Variants in ARID2 observed in about 807,000 individuals in gnomAD.
The protein encoded by ARID2 is AT-rich interaction domain 2, also known as AT-rich interactive domain-containing protein 2.
Under a neutral mutation model 184.6 loss-of-function variants are expected in ARID2, and 32 were observed. The observed-to-expected ratio is 0.17, with a 90% CI of 0.13 to 0.23. The LOEUF is 0.23. ARID2 is among the 10% of genes least tolerant of loss of function. The pLI is 1.00. For missense variants in ARID2, 1,696 were observed against 2,197.6 expected, an observed-to-expected ratio of 0.77 and a Z score of 4.56; for synonymous variants, 836 against 772.6, an observed-to-expected ratio of 1.08 and a Z score of -1.36.
chr12:45,759,925 A>G (rs1334232415), intron 3 of ARID2, among the ~76,000 whole-genome samples: 1 of 152,178 alleles, frequency 6.6e-6, no homozygotes, highest in African/African-American at 2.4e-5. Flanking sequence ...CTTTTCATGT[A>G]TATGATATTA....
At chr12:45,772,248 T>G (rs966464895) in intron 3 of ARID2, among the ~76,000 whole-genome samples, 3 of 152,232 alleles carry the variant, frequency 2.0e-5, no homozygotes, top group Non-Finnish European at 2.9e-5. Flanking sequence ...GGTCAAAATC[T>G]AGTTATATCA....
At chr12:45,795,457 A>G (rs1942373197) in intron 3 of ARID2, among the ~76,000 whole-genome samples, 1 of 151,068 alleles carries the variant, frequency 6.6e-6, no homozygotes, top group African/African-American at 2.4e-5. Flanking sequence ...TTTTAGACGG[A>G]GTCTCGCTCT....
chr12:45,742,822 G>A (rs757211961), intron 3 of ARID2, among the ~76,000 whole-genome samples: 1 of 152,082 alleles, frequency 6.6e-6, no homozygotes, highest in Non-Finnish European at 1.5e-5. Context: ...ACTAAAGTGG[G>A]GATTGAAGCA....
In ARID2 at chr12:45,851,571, A is replaced by G. The variant is rs757739061; in HGVS notation, c.3448A>G (p.Ile1150Val). The change falls in exon 15 of 21, where the codon ATA (isoleucine) becomes GTA (valine). Residue 1150 changes from isoleucine (I) to valine (V), a missense_variant. This residue lies in a region of ARID2 where 713 missense variants were observed against 824.4 expected (regional missense o/e 0.86). Transcript: ENST00000334344. ...VQTVPISNLQ[I>V]LPGPLISNSP... ...AACTGTGCCCATTTCGAACTTACAA[A>G]TATTGCCAGGTCCACTGATCTCAAA... 1.9e-6 allele frequency: 3 copies of G among 1,614,002 alleles called. No homozygotes were observed. Among genetic ancestry groups the G allele is most frequent in the South Asian group, 2.2e-5 (2 of 91,088 alleles).
intron 3 of ARID2, among the ~76,000 whole-genome samples, chr12:45,748,711 A>G (rs1941404796): frequency 6.6e-6 from 1 of 152,180 alleles, no homozygotes; most frequent in Non-Finnish European, 1.5e-5. Flanking sequence ...TTTATCAACT[A>G]AATTTATATA....
chr12:45,736,232 C>T (rs1193745441), intron 3 of ARID2, among the ~76,000 whole-genome samples: 1 of 152,090 alleles, frequency 6.6e-6, no homozygotes, highest in African/African-American at 2.4e-5. Context: ...TGGCATGCAC[C>T]TGTAGTCCCA....
intron 16 of ARID2, among the ~76,000 whole-genome samples, chr12:45,876,886 G>A (rs973430021): frequency 3.3e-5 from 5 of 151,312 alleles, no homozygotes; most frequent in East Asian, 1.9e-4. Context: ...TCAGGAGACC[G>A]AGACCATCCT....
At chr12:45,747,645 A>G (rs1218321431) in intron 3 of ARID2, among the ~76,000 whole-genome samples, 1 of 152,214 alleles carries the variant, frequency 6.6e-6, no homozygotes, top group Non-Finnish European at 1.5e-5. Context: ...TTTCTAACTT[A>G]CAGAATTAAT....
intron 16 of ARID2, among the ~76,000 whole-genome samples, chr12:45,865,111 G>T (rs577007616): frequency 1.3e-5 from 2 of 152,226 alleles, no homozygotes; most frequent in East Asian, 1.9e-4. Context: ...AGGTCCTTTG[G>T]TTGTGACCTT....
chr12:45,842,859 T>C (rs1490045895), intron 11 of ARID2, among the ~76,000 whole-genome samples: 3 of 152,160 alleles, frequency 2.0e-5, no homozygotes, highest in African/African-American at 7.2e-5. Flanking sequence ...TAATTCAGTA[T>C]ATCTCTCAAT....
chr12:45,829,049 A>T (rs986567174), intron 6 of ARID2, among the ~76,000 whole-genome samples: 1 of 151,990 alleles, frequency 6.6e-6, no homozygotes, highest in South Asian at 2.1e-4. Flanking sequence ...TCACACTTAG[A>T]TCTATAATTT....
At chr12:45,738,080 TG>T (rs1941165275) in intron 3 of ARID2, among the ~76,000 whole-genome samples, 1 of 152,134 alleles carries the variant, frequency 6.6e-6, no homozygotes, top group South Asian at 2.1e-4. Flanking sequence ...CATATATGTA[TG>T]GTTTTTTTTT....
intron 3 of ARID2, among the ~76,000 whole-genome samples, chr12:45,734,705 T>C (rs578173579): frequency 6.6e-6 from 1 of 152,352 alleles, no homozygotes; most frequent in South Asian, 2.1e-4. Flanking sequence ...CTTTGCCTAA[T>C]GTGTTCCATA....
intron 15 of ARID2, among the ~76,000 whole-genome samples, chr12:45,855,984 G>A (rs1344725370): frequency 6.6e-6 from 1 of 151,726 alleles, no homozygotes; most frequent in African/African-American, 2.4e-5. Context: ...CCGCGCCTTG[G>A]CCTCCCAAAG....
At chr12:45,751,534 A>C (rs1941465065) in intron 3 of ARID2, among the ~76,000 whole-genome samples, 1 of 152,222 alleles carries the variant, frequency 6.6e-6, no homozygotes, top group Admixed American at 6.5e-5. Context: ...CAAGGGTAGA[A>C]CCAAAGAGTC....
chr12:45,886,237 C>A (rs533968120), intron 16 of ARID2, among the ~76,000 whole-genome samples: 1 of 152,150 alleles, frequency 6.6e-6, no homozygotes, highest in Non-Finnish European at 1.5e-5. Flanking sequence ...AATCCATAAT[C>A]CAATAGGGTA....
At chr12:45,750,680 G>A (rs1190308875) in intron 3 of ARID2, among the ~76,000 whole-genome samples, 1 of 152,160 alleles carries the variant, frequency 6.6e-6, no homozygotes, top group Non-Finnish European at 1.5e-5. Flanking sequence ...CAAATGATGT[G>A]ATTACTTGGT....
rs1404927149 is a variant in ARID2 at position 45,851,454 on chromosome 12, G to T, written c.3331G>T (p.Val1111Leu). ...VASNQAAGFG[V>L]QGQTPAQQLL... ...CAGTAACCAAGCCGCAGGTTTTGGA[G>T]TGCAGGGGCAAACTCCAGCTCAGCA... Residue 1111 changes from valine (V) to leucine (L), a missense_variant, in exon 15 of 21, where the codon GTG becomes TTG. By Grantham distance (32) the Val-to-Leu change is conservative. Coordinates refer to ENST00000334344, the MANE Select transcript of ARID2 (RefSeq NM_152641.4). 15 of 1,614,052 alleles carry T rather than the reference G, an allele frequency of 9.3e-6. No homozygotes were observed. The highest frequency in any genetic ancestry group is 1.2e-5 in the Non-Finnish European group (14 of 1,180,010).
chr12:45,875,674 G>A (rs563499900), intron 16 of ARID2, among the ~76,000 whole-genome samples: 5 of 152,228 alleles, frequency 3.3e-5, no homozygotes, highest in Admixed American at 6.5e-5. Flanking sequence ...ATAACGTGCT[G>A]CAGCTTCTGC....
Sources: allele counts gnomAD v4.1 joint callset (sites outside exome capture counted in the v4.1 genomes callset), GRCh38; gene constraint gnomAD v4.1.1; regional missense constraint gnomAD v4.1.1; transcripts MANE v1.5; gene names NCBI Gene and HGNC (gene_info 2026-07-23, HGNC 2026-07-21).